GIPC2: variants seen among roughly 807,000 people sequenced by gnomAD.
GIPC2 encodes the protein GIPC PDZ domain containing family member 2.
Under a neutral mutation model 30.6 loss-of-function variants are expected in GIPC2, and 30 were observed. That is an observed-to-expected ratio of 0.98 (90% CI 0.73 to 1.33). The LOEUF is 1.33. GIPC2 is among the 40% of genes most tolerant of loss of function. GIPC2 has a pLI of 0.00. For synonymous variants in GIPC2, 167 were observed against 150.0 expected (o/e 1.11, Z -0.83); for missense variants, 414 against 390.3 (o/e 1.06, Z -0.51).
chr1:78,046,339 G>A lies in GIPC2; in HGVS notation c.240+5G>A, dbSNP rs756523655. 1.9e-6 allele frequency: 3 copies of A among 1,607,106 alleles called. No individual in the cohort carries two copies. The highest frequency in any genetic ancestry group is 3.4e-5 in the Admixed American group (2 of 59,670). The stretch of plus-strand genomic sequence containing the variant: ...TTTGAAATCTCGCCGTCGGAGGTAA[G>A]GCGCCAGGTGCTCAGGCTCTCCCGC... On this transcript the variant is annotated splice_donor_5th_base_variant and intron_variant, in intron 1 of 5. Coordinates refer to ENST00000370759, the MANE Select transcript of GIPC2 (RefSeq NM_017655.6).
At chr1:78,127,138 C>T (rs1449539885) in intron 5 of GIPC2, among the ~76,000 whole-genome samples, 1 of 152,166 alleles carries the variant, frequency 6.6e-6, no homozygotes, top group Non-Finnish European at 1.5e-5. Flanking sequence ...AAGGTAAGAA[C>T]TTGACTATTT....
intron 1 of GIPC2, among the ~76,000 whole-genome samples, chr1:78,054,247 G>T (rs867212396): frequency 6.6e-6 from 1 of 152,174 alleles, no homozygotes; most frequent in Admixed American, 6.5e-5. Flanking sequence ...ACATAAGATT[G>T]AATTTAGTTA....
Position 78,135,635 on chromosome 1 carries a change from TG to T in GIPC2, c.841del (p.Glu281AsnfsTer71), listed in dbSNP as rs1662986425. 5.6e-6 allele frequency: 9 copies of T among 1,606,548 alleles called. No homozygotes were observed. The highest frequency in any genetic ancestry group is 6.0e-6 in the Non-Finnish European group (7 of 1,174,786). On this transcript the variant is annotated frameshift_variant, in exon 6 of 6. Coordinates refer to ENST00000370759, the MANE Select transcript of GIPC2 (RefSeq NM_017655.6). LOFTEE classifies it high-confidence loss of function. ...CTGGAAAGGACAAAGTAAATCCAGA[TG>T]AATTTGCTGTGGCACTTGACGAAAC... ...EAGKDKVNPD[E>X]FAVALDETLG... is the part of the protein sequence containing the mutation.
chr1:78,135,418 A>ATG (rs1662981782), intron 5 of GIPC2, among the ~76,000 whole-genome samples, 174 bp from the exon 6 acceptor site: 2 of 152,110 alleles, frequency 1.3e-5, no homozygotes, highest in South Asian at 4.2e-4. Flanking sequence ...TGCCACCTTG[A>ATG]TGTGTGTGTG....
rs147488542 is a variant in GIPC2 at position 78,127,269 on chromosome 1, C to T, written c.796+1307C>T. Reference sequence around the variant, plus strand: ...AACAAATTTACCTTAAAAATCTCAACTGGCTTTTATTTGCAACTCTAGTAT... The same window carrying T: ...AACAAATTTACCTTAAAAATCTCAATTGGCTTTTATTTGCAACTCTAGTAT... On this transcript the variant is annotated intron_variant, in intron 5 of 5. Transcript: ENST00000370759. Among the ~76,000 whole-genome samples the T allele has an allele frequency of 9.8e-5, 15 of 152,330 alleles. No homozygotes were observed. The East Asian group carries it at 2.7e-3, about 27-fold the overall frequency.
chr1:78,059,371 A>G (rs1571476724), intron 1 of GIPC2, among the ~76,000 whole-genome samples: 1 of 152,238 alleles, frequency 6.6e-6, no homozygotes, highest in Admixed American at 6.5e-5. Context: ...GGGACATACA[A>G]TGATGACTAT....
At chr1:78,093,756 C>T (rs925283372) in intron 2 of GIPC2, among the ~76,000 whole-genome samples, 2 of 152,120 alleles carry the variant, frequency 1.3e-5, no homozygotes, top group Admixed American at 1.3e-4. Context: ...AGCAGCCACT[C>T]CTGATATTGC....
intron 1 of GIPC2, chr1:78,068,958 T>G: frequency 5.1e-6 from 2 of 393,160 alleles, no homozygotes; most frequent in Non-Finnish European, 6.9e-6. Context: ...CTTCTTCAGC[T>G]CCTGCCCCTG....
chr1:78,124,454 G>T lies in GIPC2; in HGVS notation c.715-1427G>T, dbSNP rs147610314. On this transcript the variant is annotated intron_variant, in intron 4 of 5. Coordinates refer to ENST00000370759, the MANE Select transcript of GIPC2 (RefSeq NM_017655.6). ...ATAAAGTTAAAAATACACAATAAGG[G>T]TATTTGTTCAGAAAAGTTTTACTAT... Among the ~76,000 whole-genome samples the T allele has an allele frequency of 8.4e-3, 1,274 of 152,164 alleles. 15 individuals carry two copies. Among genetic ancestry groups the T allele is most frequent in the African/African-American group, 0.029 (1,221 of 41,508 alleles).
Position 78,119,316 on chromosome 1 carries a change from AACT to A in GIPC2, c.608-74_608-72del, listed in dbSNP as rs1293319113. 5 of 777,270 alleles carry A rather than the reference AACT, an allele frequency of 6.4e-6. No individual in the cohort carries two copies. In the African/African-American group the frequency reaches 6.9e-5, roughly 11 times the overall value. The allele number at this position is 777,270 out of a possible 1,614,324, so 48.1% of individuals were successfully genotyped here. On this transcript the variant is annotated intron_variant, in intron 3 of 5. Coordinates refer to ENST00000370759, the MANE Select transcript of GIPC2 (RefSeq NM_017655.6). ...CAATTGTATATAGTTTTGTGATAGA[AACT>A]ACATTAGCCTTCACAGTAATCTGTT...
Position 78,079,717 on chromosome 1 carries a change from C to T in GIPC2, c.241-958C>T, listed in dbSNP as rs185788695. On this transcript the variant is annotated intron_variant, in intron 1 of 5. Coordinates refer to ENST00000370759, the MANE Select transcript of GIPC2 (RefSeq NM_017655.6). ...TGTTTGTTGAACTTAGCTTCTTAAC[C>T]GATGATACCTTTTCAACCCTGCTTC... is the stretch of plus-strand genomic sequence containing the variant. Among the ~76,000 whole-genome samples, 24 of 152,238 alleles carry T rather than the reference C, an allele frequency of 1.6e-4. No individual in the cohort carries two copies. In the East Asian group the frequency reaches 4.4e-3, roughly 28 times the overall value.
Position 78,047,658 on chromosome 1 carries a change from G to A in GIPC2, c.240+1324G>A, listed in dbSNP as rs189978797. Among the ~76,000 whole-genome samples the A allele has an allele frequency of 3.9e-5, 6 of 152,202 alleles. No individual in the cohort carries two copies. In the East Asian group the frequency reaches 1.2e-3, roughly 29 times the overall value. ...TTACTAGCTGTGTGGACTTGAATGA[G>A]TTTAACTTCTCTCAGTTTTCGCCAT... On this transcript the variant is annotated intron_variant, in intron 1 of 5. Transcript: ENST00000370759.
chr1:78,059,365 C>T (rs1033127142), intron 1 of GIPC2, among the ~76,000 whole-genome samples: 1 of 152,172 alleles, frequency 6.6e-6, no homozygotes, highest in African/African-American at 2.4e-5. Context: ...TATTGAGGGA[C>T]ATACAATGAT....
chr1:78,095,931 A>G (rs1662129728), intron 3 of GIPC2, among the ~76,000 whole-genome samples: 1 of 152,094 alleles, frequency 6.6e-6, no homozygotes, highest in African/African-American at 2.4e-5. Flanking sequence ...CTCTAATGCC[A>G]TTTTCTCAGG....
chr1:78,064,834 C>T (rs2102644140), intron 1 of GIPC2, among the ~76,000 whole-genome samples: 1 of 150,738 alleles, frequency 6.6e-6, no homozygotes, highest in Admixed American at 6.6e-5. Flanking sequence ...ATCTCTGCCT[C>T]CCTGGTTAAA....
chr1:78,085,172 C>T (rs1358023637), intron 2 of GIPC2, among the ~76,000 whole-genome samples: 1 of 152,166 alleles, frequency 6.6e-6, no homozygotes, highest in Non-Finnish European at 1.5e-5. Flanking sequence ...GCCTTTTCTG[C>T]ATCTATTGAG....
intron 1 of GIPC2, among the ~76,000 whole-genome samples, chr1:78,060,070 GGTGATA>G (rs1306695272): frequency 6.6e-6 from 1 of 152,104 alleles, no homozygotes; most frequent in East Asian, 1.9e-4. Flanking sequence ...AATTTGGGAT[GGTGATA>G]TCACACAAAT....
intron 1 of GIPC2, among the ~76,000 whole-genome samples, chr1:78,057,662 G>A (rs1444846579): frequency 6.6e-6 from 1 of 152,176 alleles, no homozygotes; most frequent in Non-Finnish European, 1.5e-5. Flanking sequence ...TTTATAGCTG[G>A]AAAGAGTGAT....
At chr1:78,120,857 A>T (rs1553144974) in intron 4 of GIPC2, among the ~76,000 whole-genome samples, 1 of 152,138 alleles carries the variant, frequency 6.6e-6, no homozygotes, top group Non-Finnish European at 1.5e-5. Flanking sequence ...ACAATTCAAG[A>T]TGAGATTTGG....
Sources: allele counts gnomAD v4.1 joint callset (sites outside exome capture counted in the v4.1 genomes callset), GRCh38; gene constraint gnomAD v4.1.1; transcripts MANE v1.5; gene names NCBI Gene and HGNC (gene_info 2026-07-23, HGNC 2026-07-21).